IMMP2L: variants seen among roughly 807,000 people sequenced by gnomAD.
IMMP2L encodes the protein mitochondrial inner membrane protease subunit 2.
A neutral mutation model predicts 19.3 loss-of-function variants in IMMP2L; 18 were observed. That is an observed-to-expected ratio of 0.93 (90% CI 0.64 to 1.38). The LOEUF is 1.38. Ranked by LOEUF, IMMP2L falls within the 40% of genes most tolerant of loss-of-function variation. The probability of loss-of-function intolerance (pLI) is 0.00; values close to 1 mark genes in which losing one functional copy is unlikely to be tolerated. For synonymous variants in IMMP2L, 76 were observed against 73.0 expected (o/e 1.04, Z -0.21); for missense variants, 233 against 218.2 (o/e 1.07, Z -0.43).
intron 5 of IMMP2L, among the ~76,000 whole-genome samples, chr7:110,703,824 T>C (rs1425234574): frequency 6.6e-6 from 1 of 152,090 alleles, no homozygotes; most frequent in Non-Finnish European, 1.5e-5. Flanking sequence ...AAAATAATAG[T>C]TTTCTAATTG....
chr7:110,868,117 T>TGTGTGTGTG (rs1808167469), intron 5 of IMMP2L, among the ~76,000 whole-genome samples: 2 of 144,376 alleles, frequency 1.4e-5, no homozygotes, highest in African/African-American at 5.2e-5. Flanking sequence ...CTTGTGAGGT[T>TGTGTGTGTG]TGTGTGTGTG....
chr7:111,203,235 A>G (rs1044724935), intron 3 of IMMP2L, among the ~76,000 whole-genome samples: 2 of 152,192 alleles, frequency 1.3e-5, no homozygotes, highest in Non-Finnish European at 2.9e-5. Flanking sequence ...TATTCATTCA[A>G]TAAACATTTA....
intron 1 of IMMP2L, among the ~76,000 whole-genome samples, chr7:111,554,645 T>TA (rs1791056799): frequency 6.6e-6 from 1 of 151,896 alleles, no homozygotes; most frequent in Admixed American, 6.6e-5. Flanking sequence ...TTATTTGAGA[T>TA]GGAGTCTTGC....
At chr7:111,171,025 G>C (rs1020571782) in intron 3 of IMMP2L, among the ~76,000 whole-genome samples, 5 of 151,818 alleles carry the variant, frequency 3.3e-5, no homozygotes, top group African/African-American at 1.2e-4. Context: ...CAGAAGGCAA[G>C]AGAAAACTCT....
At position 111,027,684 on chromosome 7, in the gene IMMP2L, C is replaced by T. The variant is rs576314173; in HGVS notation, c.240-64119G>A. On this transcript the variant is annotated intron_variant, in intron 3 of 5. Transcript: ENST00000405709. The stretch of plus-strand genomic sequence containing the variant: ...ATGACTACTATGCAAGTTTCATTTT[C>T]GACTGATAAATGGTAGAGATTATTG... 4.6e-5 allele frequency among the ~76,000 whole-genome samples: 7 copies of T among 151,898 alleles called. No homozygotes were observed. The South Asian group carries it at 1.0e-3, about 23-fold the overall frequency.
intron 5 of IMMP2L, among the ~76,000 whole-genome samples, chr7:110,834,246 A>G (rs1804227063): frequency 6.6e-6 from 1 of 152,182 alleles, no homozygotes; most frequent in South Asian, 2.1e-4. Context: ...TTACTGCTGG[A>G]GCACATTCAG....
intron 3 of IMMP2L, among the ~76,000 whole-genome samples, chr7:111,271,878 T>G (rs763297127): frequency 6.6e-6 from 1 of 152,094 alleles, no homozygotes; most frequent in Non-Finnish European, 1.5e-5. Flanking sequence ...CTTAACTACT[T>G]TCTCTCTCTG....
chr7:110,954,445 G>A (rs1384487186), intron 4 of IMMP2L, among the ~76,000 whole-genome samples: 1 of 152,020 alleles, frequency 6.6e-6, no homozygotes, highest in East Asian at 1.9e-4. Flanking sequence ...TAACACACAG[G>A]AAATATTCAA....
intron 5 of IMMP2L, among the ~76,000 whole-genome samples, chr7:110,762,083 G>A (rs750708293): frequency 5.3e-5 from 8 of 151,994 alleles, no homozygotes; most frequent in Non-Finnish European, 7.4e-5. Flanking sequence ...ACGGAACTTG[G>A]CAAATATTTT....
intron 3 of IMMP2L, among the ~76,000 whole-genome samples, chr7:111,167,900 C>A (rs1195715602): frequency 6.6e-6 from 1 of 151,884 alleles, no homozygotes; most frequent in Non-Finnish European, 1.5e-5. Flanking sequence ...GGAATAATAC[C>A]TTTTCCATTA....
intron 3 of IMMP2L, among the ~76,000 whole-genome samples, chr7:111,265,960 A>C (rs1220911366): frequency 6.6e-6 from 1 of 152,126 alleles, no homozygotes; most frequent in Non-Finnish European, 1.5e-5. Flanking sequence ...TCCCTAACCA[A>C]TCTATCCTAA....
intron 1 of IMMP2L, among the ~76,000 whole-genome samples, chr7:111,536,998 CA>C (rs879310514): frequency 6.9e-5 from 10 of 144,694 alleles, no homozygotes; most frequent in African/African-American, 7.6e-5. Context: ...GAAATCTTAC[CA>C]AAAAAAAAAA....
Position 111,123,892 on chromosome 7 carries a change from T to C in IMMP2L, c.240-160327A>G. 6.2e-7 allele frequency: 1 copy of C among 1,614,044 alleles called. No homozygotes were observed. ...ACACAGTAACCCCATCAGGTGTGAC[T>C]GTGTCATCCGTTGGATGAACATGAA... On this transcript the variant is annotated intron_variant, in intron 3 of 5. Coordinates refer to ENST00000405709, the MANE Select transcript of IMMP2L (RefSeq NM_032549.4). The surrounding 1 kb of genome is among the most constrained non-coding windows in gnomAD (Gnocchi z 6.4).
At chr7:111,266,133 A>G (rs1817806664) in intron 3 of IMMP2L, among the ~76,000 whole-genome samples, 1 of 152,192 alleles carries the variant, frequency 6.6e-6, no homozygotes, top group South Asian at 2.1e-4. Flanking sequence ...ATATAATGTA[A>G]TATTTATGAG....
rs938243231 is a variant in IMMP2L, at chr7:111,414,220, G to A, written c.239+73018C>T. On this transcript the variant is annotated intron_variant, in intron 3 of 5. Coordinates refer to ENST00000405709, the MANE Select transcript of IMMP2L (RefSeq NM_032549.4). Reference sequence around the variant, plus strand: ...CTGTTCCCCTGCAGGAAGATTCCGAGTGAATTTCAATGTCACCTCTGCAGG... The same window carrying A: ...CTGTTCCCCTGCAGGAAGATTCCGAATGAATTTCAATGTCACCTCTGCAGG... 2.6e-5 allele frequency among the ~76,000 whole-genome samples: 4 copies of A among 151,790 alleles called. 1 individual carries two copies. The highest frequency in any genetic ancestry group is 4.9e-5 in the African/African-American group (2 of 41,122).
intron 4 of IMMP2L, among the ~76,000 whole-genome samples, chr7:110,896,831 A>T (rs1255027992): frequency 1.3e-5 from 2 of 151,916 alleles, no homozygotes; most frequent in Non-Finnish European, 2.9e-5. Context: ...TTTAGAGACA[A>T]GGTCTCGCTT....
rs1484229556 is a variant in IMMP2L, at chr7:111,214,328, C to CTTTTTTTTTTTTTT, written c.240-250764_240-250763insAAAAAAAAAAAAAA. The stretch of plus-strand genomic sequence containing the variant: ...GTGAATGAATGACAAAGTAATTTTT[C>CTTTTTTTTTTTTTT]TTCTTTTTTTTTTTTTTTTTTTTTT... On this transcript the variant is annotated intron_variant, in intron 3 of 5. Coordinates refer to ENST00000405709, the MANE Select transcript of IMMP2L (RefSeq NM_032549.4). 1.1e-4 allele frequency among the ~76,000 whole-genome samples: 9 copies of CTTTTTTTTTTTTTT among 85,108 alleles called. 2 individuals carry two copies. Among genetic ancestry groups the CTTTTTTTTTTTTTT allele is most frequent in the Admixed American group, 2.6e-4 (2 of 7,712 alleles). 55.8% of individuals were successfully genotyped at this position (85,108 alleles called of 152,430 possible). A position where few individuals can be genotyped will look rare whatever the true frequency, so the allele number is the denominator to read the frequency against.
intron 3 of IMMP2L, among the ~76,000 whole-genome samples, chr7:111,221,063 C>A (rs1812461701): frequency 6.6e-6 from 1 of 152,014 alleles, no homozygotes; most frequent in African/African-American, 2.4e-5. Flanking sequence ...AACCAGATAT[C>A]TGAGCATCCT....
intron 3 of IMMP2L, among the ~76,000 whole-genome samples, chr7:110,999,807 AAAG>A (rs1189511341): frequency 2.6e-5 from 4 of 152,106 alleles, no homozygotes; most frequent in Non-Finnish European, 5.9e-5. Flanking sequence ...TGCTGCTGAG[AAAG>A]AAGGACTTAT....
Sources: gnomAD v4.1 joint callset for allele counts (sites outside exome capture counted in the v4.1 genomes callset) on GRCh38, gnomAD v4.1.1 for gene constraint, Gnocchi (gnomAD v3.1) non-coding constraint, MANE v1.5 for transcripts, NCBI Gene and HGNC (gene_info 2026-07-23, HGNC 2026-07-21) for gene names.